Variants in CPT1A observed in about 807,000 individuals in gnomAD.
The protein encoded by CPT1A is carnitine O-palmitoyltransferase 1, liver isoform.
In CPT1A, 64 loss-of-function variants were observed where a neutral mutation model predicts 100.8. The ratio of observed to expected loss-of-function variants is 0.63; its 90% CI spans 0.52 to 0.78. The LOEUF (loss-of-function observed/expected upper bound fraction) is 0.78, where lower values mean the gene tolerates loss of function less well. Ranked by LOEUF, CPT1A falls within the 30% of genes least tolerant of loss-of-function variation. CPT1A has a pLI of 0.00. For synonymous variants in CPT1A, 363 were observed against 396.0 expected (o/e 0.92, Z 0.99); for missense variants, 802 against 1,034.1 (o/e 0.78, Z 3.08).
chr11:68,841,644 C>T lies in CPT1A; in HGVS notation c.-14+131G>A. On this transcript the variant is annotated intron_variant, in intron 1 of 18. Coordinates refer to ENST00000265641, the MANE Select transcript of CPT1A (RefSeq NM_001876.4). The surrounding 1 kb of genome is among the most constrained non-coding windows in gnomAD (Gnocchi z 6.3). The stretch of plus-strand genomic sequence containing the variant: ...CCGGGGGGAATACCGGGGTTCCTCT[C>T]GGCGCCCCGGTTCCGGCGGCGTCCC... 2.5e-6 allele frequency: 1 copy of T among 398,812 alleles called. No homozygotes were observed. Among genetic ancestry groups the T allele is most frequent in the Non-Finnish European group, 3.4e-6 (1 of 293,106 alleles). 24.7% of individuals were successfully genotyped at this position (398,812 alleles called of 1,614,324 possible). A position where few individuals can be genotyped will look rare whatever the true frequency, so the allele number is the denominator to read the frequency against.
chr11:68,770,952 G>A (rs750528853), intron 14 of CPT1A, among the ~76,000 whole-genome samples: 2 of 152,230 alleles, frequency 1.3e-5, no homozygotes, highest in South Asian at 2.1e-4. Flanking sequence ...CTTCACCTCC[G>A]AGTGTGGAGG....
chr11:68,781,596 G>A (rs1241085305), intron 11 of CPT1A, among the ~76,000 whole-genome samples, 175 bp downstream of exon 11: 1 of 152,086 alleles, frequency 6.6e-6, no homozygotes, highest in Non-Finnish European at 1.5e-5. Context: ...CTCCAGCCTG[G>A]GTGACAGAGC....
At position 68,780,699 on chromosome 11, in the gene CPT1A, T is replaced by A. The variant is rs1336393109; in HGVS notation, c.1399A>T (p.Met467Leu). ...CAGGAGTGTTCAGCGTTGAGGCCCA[T>A]CTTCCCGTTTTTGAAGACAACAAAC... The part of the protein sequence containing the change: ...FTFVVFKNGK[M>L]GLNAEHSWAD... The change falls in exon 12 of 19, where the codon ATG becomes TTG. Residue 467 changes from methionine (M) to leucine (L), a missense_variant. Physicochemically the swap from Met to Leu is conservative, Grantham distance 15. Around this residue, in one of 4 missense-constraint regions of CPT1A, gnomAD observed 627 missense variants for 799.3 expected, o/e 0.78. Coordinates refer to ENST00000265641, the MANE Select transcript of CPT1A (RefSeq NM_001876.4). 6.2e-6 allele frequency: 10 copies of A among 1,614,130 alleles called. No homozygotes were observed. Among genetic ancestry groups the A allele is most frequent in the Non-Finnish European group, 8.5e-6 (10 of 1,180,054 alleles).
At chr11:68,763,551 G>A (rs980218681) in intron 14 of CPT1A, among the ~76,000 whole-genome samples, 65 of 152,288 alleles carry the variant, frequency 4.3e-4, no homozygotes, top group African/African-American at 1.4e-3. Context: ...GGGTGGGGCC[G>A]GAGCCTGAAG....
chr11:68,787,306 T>C (rs1855490812), intron 9 of CPT1A, among the ~76,000 whole-genome samples: 1 of 151,870 alleles, frequency 6.6e-6, no homozygotes, highest in Admixed American at 6.6e-5. Flanking sequence ...CATGGTGGCA[T>C]GTGCCTGTAG....
chr11:68,843,578 G>C (rs142517520), upstream of CPT1A, among the ~76,000 whole-genome samples: 4 of 152,236 alleles, frequency 2.6e-5, no homozygotes, highest in Non-Finnish European at 4.4e-5. The surrounding 1 kb of genome is among the most constrained non-coding windows in gnomAD (Gnocchi z 4.0). Context: ...TCCGATTATG[G>C]ATTATTTTAA....
At chr11:68,805,664 A>G (rs1008625088) in intron 4 of CPT1A, among the ~76,000 whole-genome samples, 1 of 152,160 alleles carries the variant, frequency 6.6e-6, no homozygotes, top group Admixed American at 6.6e-5. Flanking sequence ...AAGCAGACCC[A>G]CGGCTTCGTA....
intron 12 of CPT1A, among the ~76,000 whole-genome samples, chr11:68,777,824 G>T (rs1050233178): frequency 6.6e-6 from 1 of 152,174 alleles, no homozygotes; most frequent in African/African-American, 2.4e-5. Context: ...TAGGACTCGG[G>T]AAGTCCTTGG....
intron 15 of CPT1A, 51 bp from the exon 16 acceptor site, chr11:68,761,738 A>C (rs752154957): frequency 6.2e-7 from 1 of 1,606,716 alleles, no homozygotes; most frequent in South Asian, 1.1e-5. Flanking sequence ...CAAGTTGAGC[A>C]GTTACGGATC....
intron 14 of CPT1A, among the ~76,000 whole-genome samples, chr11:68,766,613 G>C (rs1200133706): frequency 6.6e-6 from 1 of 151,922 alleles, no homozygotes; most frequent in Non-Finnish European, 1.5e-5. Context: ...AGCCTCCCAA[G>C]CAGCTGGGAT....
At chr11:68,761,996 C>T (rs146151998) in intron 15 of CPT1A, among the ~76,000 whole-genome samples, 106 of 152,202 alleles carry the variant, frequency 7.0e-4, no homozygotes, top group African/African-American at 2.4e-3. Context: ...AGCACCTGCA[C>T]GCTCTGGGGA....
chr11:68,781,856 T>G lies in CPT1A; in HGVS notation c.1267A>C (p.Thr423Pro). 6.2e-7 allele frequency: 1 copy of G among 1,614,104 alleles called. No homozygotes were observed. The highest frequency in any genetic ancestry group is 2.2e-5 in the East Asian group (1 of 44,872). ...TCTTCACTTCTGTATCCTTCTTCAG[T>G]TTCATCTAACGTCACAAAGAACGCT... Reference protein sequence around the residue: ...KAAFFVTLDETEEGYRSEDPD... With the variant: ...KAAFFVTLDEPEEGYRSEDPD... Residue 423 changes from threonine (T) to proline (P), a missense_variant, in exon 11 of 19, where the codon ACT becomes CCT. Physicochemically the swap from Thr to Pro is conservative, Grantham distance 38 (BLOSUM62 -1). Coordinates refer to ENST00000265641, the MANE Select transcript of CPT1A (RefSeq NM_001876.4).
At chr11:68,823,270 G>A (rs187141454) in intron 1 of CPT1A, among the ~76,000 whole-genome samples, 10 of 151,976 alleles carry the variant, frequency 6.6e-5, no homozygotes, top group South Asian at 2.1e-4. Flanking sequence ...CAAACTCACC[G>A]AAGTGTACAT....
At chr11:68,765,115 A>G (rs904115789) in intron 14 of CPT1A, among the ~76,000 whole-genome samples, 2 of 152,246 alleles carry the variant, frequency 1.3e-5, no homozygotes, top group Non-Finnish European at 2.9e-5. Flanking sequence ...TCCTCACTAC[A>G]GAGCACTTCA....
chr11:68,803,568 G>A (rs555689591), intron 5 of CPT1A, among the ~76,000 whole-genome samples: 236 of 151,796 alleles, frequency 1.6e-3, no homozygotes, highest in Middle Eastern at 6.8e-3. Flanking sequence ...AAAATTAGCC[G>A]GGCGTGGTGG....
At chr11:68,805,938 G>GC (rs1468327156) in intron 4 of CPT1A, among the ~76,000 whole-genome samples, 1 of 152,152 alleles carries the variant, frequency 6.6e-6, no homozygotes, top group Admixed American at 6.5e-5. Flanking sequence ...AGGGGCCCCA[G>GC]CCCCCCAGAC....
intron 18 of CPT1A, among the ~76,000 whole-genome samples, chr11:68,758,451 G>A (rs1488471946): frequency 1.3e-5 from 2 of 152,070 alleles, no homozygotes; most frequent in Non-Finnish European, 1.5e-5. Context: ...GAGGAAGCCG[G>A]GGGTCCCCTG....
At chr11:68,800,133 G>A (rs1253114111) in intron 5 of CPT1A, among the ~76,000 whole-genome samples, 2 of 152,100 alleles carry the variant, frequency 1.3e-5, no homozygotes, top group Non-Finnish European at 2.9e-5. Flanking sequence ...CTGGGCAGGT[G>A]CTCAGGCAGC....
rs577694372 is a variant in CPT1A at position 68,803,014 on chromosome 11, G to C, written c.555+986C>G. 2.6e-5 allele frequency among the ~76,000 whole-genome samples: 4 copies of C among 152,256 alleles called. No individual in the cohort carries two copies. The South Asian group carries it at 8.3e-4, about 32-fold the overall frequency. On this transcript the variant is annotated intron_variant, in intron 5 of 18. Coordinates refer to ENST00000265641, the MANE Select transcript of CPT1A (RefSeq NM_001876.4). ...GGGGGCCTGGCTTTGAAGTGCGGCT[G>C]CTGTGTCAAGAAGCACCCTGTCCTC...
Sources: allele counts gnomAD v4.1 joint callset (sites outside exome capture counted in the v4.1 genomes callset), GRCh38; gene constraint gnomAD v4.1.1; regional missense constraint gnomAD v4.1.1; non-coding constraint Gnocchi (gnomAD v3.1); transcripts MANE v1.5; gene names NCBI Gene and HGNC (gene_info 2026-07-23, HGNC 2026-07-21).